The following HDAC4 variants were observed in gnomAD, a reference collection of about 807,000 sequenced individuals.
The protein encoded by HDAC4 is histone deacetylase A.
HDAC4 carries 16 observed loss-of-function variants against 135.1 expected under a neutral mutation model. That is an observed-to-expected ratio of 0.12 (90% CI 0.08 to 0.18). HDAC4 has a LOEUF of 0.18. Among genes scored for constraint, HDAC4 ranks in the 10% least tolerant of loss-of-function variants. HDAC4 has a pLI of 1.00. For missense variants in HDAC4, 1,143 were observed against 1,511.8 expected, an observed-to-expected ratio of 0.76 and a Z score of 4.05; for synonymous variants, 685 against 653.4, an observed-to-expected ratio of 1.05 and a Z score of -0.74.
chr2:239,260,181 T>C (rs1018361489), intron 2 of HDAC4, among the ~76,000 whole-genome samples: 7 of 152,170 alleles, frequency 4.6e-5, no homozygotes, highest in Non-Finnish European at 1.0e-4. Flanking sequence ...GGACCGCGTG[T>C]CCAGACTCTG....
At chr2:239,378,655 T>C (rs946551093) in intron 1 of HDAC4, among the ~76,000 whole-genome samples, 1 of 132,712 alleles carries the variant, frequency 7.5e-6, no homozygotes, top group Admixed American at 7.3e-5. Flanking sequence ...CGGGAACCAA[T>C]GACCCCGGGA....
At chr2:239,296,058 G>C (rs1000481919) in intron 2 of HDAC4, among the ~76,000 whole-genome samples, 1 of 152,192 alleles carries the variant, frequency 6.6e-6, no homozygotes, top group Non-Finnish European at 1.5e-5. Flanking sequence ...CATTTTACAT[G>C]AGGACACTGA....
chr2:239,396,890 A>C (rs1696595841), intron 1 of HDAC4, among the ~76,000 whole-genome samples: 1 of 152,244 alleles, frequency 6.6e-6, no homozygotes, highest in Admixed American at 6.5e-5. Context: ...GCTGAAGTGG[A>C]CTTGGAGCAT....
At chr2:239,163,605 C>A (rs527833224) in intron 6 of HDAC4, among the ~76,000 whole-genome samples, 198 bp downstream of exon 6, 3 of 152,082 alleles carry the variant, frequency 2.0e-5, no homozygotes. Flanking sequence ...TGGGCCCCTC[C>A]GTGAGGACGG....
intron 3 of HDAC4, among the ~76,000 whole-genome samples, chr2:239,192,688 G>C (rs998485586): frequency 2.6e-5 from 4 of 152,130 alleles, no homozygotes; most frequent in African/African-American, 9.7e-5. Context: ...CCTCTTCCGC[G>C]TTCATGGCTG....
intron 1 of HDAC4, among the ~76,000 whole-genome samples, chr2:239,378,639 G>T (rs112719566): frequency 4.1e-4 from 62 of 151,710 alleles, no homozygotes; most frequent in African/African-American, 1.4e-3. Context: ...CGGGAACCAA[G>T]AACCCCGGGA....
chr2:239,148,117 G>A (rs559599080), intron 7 of HDAC4, among the ~76,000 whole-genome samples: 13 of 152,346 alleles, frequency 8.5e-5, no homozygotes, highest in Non-Finnish European at 1.2e-4. Context: ...GAGAATGCAC[G>A]CAATATCGCC....
intron 6 of HDAC4, among the ~76,000 whole-genome samples, chr2:239,158,966 A>G (rs1415432012): frequency 6.6e-6 from 1 of 151,778 alleles, no homozygotes; most frequent in African/African-American, 2.4e-5. Flanking sequence ...CGCACATCAC[A>G]CAACTATTCA....
intron 2 of HDAC4, among the ~76,000 whole-genome samples, chr2:239,329,719 C>T (rs961429130): frequency 1.4e-4 from 21 of 152,210 alleles, no homozygotes. Flanking sequence ...ACACTCAGGG[C>T]CTGGGCTGGG....
In HDAC4 at chr2:239,095,049, G is replaced by T; in HGVS notation, c.2241C>A (p.Leu747=). 1 of 1,613,720 alleles carries T rather than the reference G, an allele frequency of 6.2e-7. No individual in the cohort carries two copies. The highest frequency in any genetic ancestry group is 1.1e-5 in the South Asian group (1 of 91,070). The change falls in exon 17 of 27, where the codon CTC becomes CTA. Residue 747 remains leucine (L), a synonymous_variant. Transcript: ENST00000543185. Reference sequence around the variant, plus strand: ...AAGGGAGCCGGACGAACACGGAGGCGAGCGAGCCTGTGGGGGGGAGGGAGA... The same window carrying T: ...AAGGGAGCCGGACGAACACGGAGGCTAGCGAGCCTGTGGGGGGGAGGGAGA... ...KLDSKKLLGS[L]ASVFVRLPCG...
chr2:239,152,434 C>T (rs190367907), intron 7 of HDAC4, among the ~76,000 whole-genome samples: 3 of 152,330 alleles, frequency 2.0e-5, no homozygotes, highest in Admixed American at 6.5e-5. Context: ...CACCCTGGGC[C>T]GAAATCTGGC....
chr2:239,056,762 C>T (rs1268169135), intron 24 of HDAC4, among the ~76,000 whole-genome samples: 2 of 152,192 alleles, frequency 1.3e-5, no homozygotes, highest in Non-Finnish European at 2.9e-5. Context: ...AAAAGCGTAA[C>T]CCGATGGTGG....
Position 239,067,029 on chromosome 2 carries a change from CTT to C in HDAC4, c.2870-176_2870-175del, listed in dbSNP as rs1339114318. 15 of 742,186 alleles carry C rather than the reference CTT, an allele frequency of 2.0e-5. No homozygotes were observed. In the East Asian group the frequency reaches 3.5e-4, roughly 17 times the overall value. 46.0% of individuals were successfully genotyped at this position (742,186 alleles called of 1,614,324 possible). On this transcript the variant is annotated intron_variant, in intron 23 of 26. Coordinates refer to ENST00000543185, the MANE Select transcript of HDAC4 (RefSeq NM_001378414.1). ...GAAGAGTTTCGGCTTTGGATTTCCT[CTT>C]TGATCTGTTTGAGAGGAGGAATTAT... is the stretch of plus-strand genomic sequence containing the variant.
chr2:239,152,759 G>A (rs1033248374), intron 7 of HDAC4, among the ~76,000 whole-genome samples: 3 of 152,174 alleles, frequency 2.0e-5, no homozygotes, highest in East Asian at 1.9e-4. Flanking sequence ...TACCTGAACT[G>A]TAGGCATGGA....
chr2:239,383,648 G>T (rs1575787991), intron 1 of HDAC4, among the ~76,000 whole-genome samples: 2 of 152,114 alleles, frequency 1.3e-5, no homozygotes, highest in Non-Finnish European at 2.9e-5. Flanking sequence ...TTCCCTCTCT[G>T]TACCTGGTGG....
Position 239,374,100 on chromosome 2 carries a change from T to C in HDAC4, c.-219-21182A>G, listed in dbSNP as rs914569679. Among the ~76,000 whole-genome samples the C allele has an allele frequency of 2.6e-5, 4 of 152,324 alleles. No individual in the cohort carries two copies. The South Asian group carries it at 8.3e-4, about 32-fold the overall frequency. ...AGGGACACTGAGAACAGTGATGCTA[T>C]GGCGTCCGCAGAACAGGCACCAACG... On this transcript the variant is annotated intron_variant, in intron 1 of 26. Coordinates refer to ENST00000543185, the MANE Select transcript of HDAC4 (RefSeq NM_001378414.1).
chr2:239,058,077 G>A (rs1039131583), intron 24 of HDAC4, among the ~76,000 whole-genome samples: 1 of 152,224 alleles, frequency 6.6e-6, no homozygotes, highest in African/African-American at 2.4e-5. Flanking sequence ...TTTTGCAGTG[G>A]AAGGATACCC....
intron 1 of HDAC4, among the ~76,000 whole-genome samples, chr2:239,358,260 G>A (rs1391719935): frequency 1.5e-4 from 23 of 152,144 alleles, no homozygotes; most frequent in Admixed American, 1.2e-3. Context: ...GCTTCCGTTC[G>A]TGTGGACTCA....
rs544532594 is a variant in HDAC4, at chr2:239,398,918, A to C, written c.-220+2060T>G. Among the ~76,000 whole-genome samples, 18 of 152,370 alleles carry C rather than the reference A, an allele frequency of 1.2e-4. No individual in the cohort carries two copies. In the South Asian group the frequency reaches 3.7e-3, roughly 32 times the overall value. ...GCAGCGTTACATCTGCCTGCTGAGTACAGCCGGCTTCTTTTCTAATTGATT... is the reference window on the plus strand; with the variant it reads ...GCAGCGTTACATCTGCCTGCTGAGTCCAGCCGGCTTCTTTTCTAATTGATT... On this transcript the variant is annotated intron_variant, in intron 1 of 26. Coordinates refer to ENST00000543185, the MANE Select transcript of HDAC4 (RefSeq NM_001378414.1).
Sources: gnomAD v4.1 joint callset for allele counts (sites outside exome capture counted in the v4.1 genomes callset) on GRCh38, gnomAD v4.1.1 for gene constraint, MANE v1.5 for transcripts, NCBI Gene and HGNC (gene_info 2026-07-23, HGNC 2026-07-21) for gene names.